Variants in YIPF7 observed in about 807,000 individuals in gnomAD.
YIPF7 encodes Yip1 domain family member 7.
A neutral mutation model predicts 27.2 loss-of-function variants in YIPF7; 35 were observed. The observed-to-expected ratio is 1.29, with a 90% CI of 0.98 to 1.70. The LOEUF (loss-of-function observed/expected upper bound fraction) is 1.70, where lower values mean the gene tolerates loss of function less well. Among genes scored for constraint, YIPF7 ranks in the 40% most tolerant of loss-of-function variants. The pLI is 0.00. For missense variants in YIPF7, 358 were observed against 303.7 expected (o/e 1.18, Z -1.33); for synonymous variants, 137 against 110.4 (o/e 1.24, Z -1.51).
chr4:44,645,281 C>A (rs1296510452), intron 2 of YIPF7, among the ~76,000 whole-genome samples: 1 of 152,008 alleles, frequency 6.6e-6, no homozygotes, highest in South Asian at 2.1e-4. Context: ...TGGTATTTTC[C>A]TTTTTTTACT....
chr4:44,635,802 A>T, intron 3 of YIPF7, 120 bp downstream of exon 3: 1 of 1,178,622 alleles, frequency 8.5e-7, no homozygotes, highest in East Asian at 2.5e-5. Flanking sequence ...AACTCTTGTT[A>T]TATGTGAAAC....
chr4:44,634,141 GT>G (rs2109584351), intron 3 of YIPF7, among the ~76,000 whole-genome samples: 1 of 152,324 alleles, frequency 6.6e-6, no homozygotes, highest in East Asian at 1.9e-4. Flanking sequence ...TTTAAGGCGT[GT>G]TTAAATTACG....
chr4:44,650,507 G>GCACACA (rs3040316), intron 1 of YIPF7, among the ~76,000 whole-genome samples: 2,918 of 137,152 alleles, frequency 0.021, 99 homozygotes, highest in African/African-American at 0.07. Flanking sequence ...GCGCGCGCGC[G>GCACACA]CACACACACA....
intron 2 of YIPF7, among the ~76,000 whole-genome samples, chr4:44,638,700 A>T (rs920483641): frequency 6.6e-6 from 1 of 152,150 alleles, no homozygotes; most frequent in African/African-American, 2.4e-5. Context: ...TTTTAATTAA[A>T]TCCCATTTGT....
intron 2 of YIPF7, among the ~76,000 whole-genome samples, chr4:44,638,471 CT>C (rs2109588683): frequency 6.6e-6 from 1 of 152,030 alleles, no homozygotes; most frequent in African/African-American, 2.4e-5. Flanking sequence ...CTCAGCATCA[CT>C]AATGATCAGG....
chr4:44,658,691 A>G (rs1029073321), intron 2 of YIPF7, among the ~76,000 whole-genome samples: 1 of 152,244 alleles, frequency 6.6e-6, no homozygotes, highest in Non-Finnish European at 1.5e-5. Flanking sequence ...TGATAAAGGC[A>G]TACCCGAGAC....
intron 1 of YIPF7, among the ~76,000 whole-genome samples, chr4:44,650,817 C>T (rs1047010626): frequency 2.0e-5 from 3 of 151,964 alleles, no homozygotes; most frequent in East Asian, 1.9e-4. Flanking sequence ...TTGAATTAGA[C>T]CTAATGGCCA....
intron 3 of YIPF7, 72 bp downstream of exon 3, chr4:44,635,850 C>T (rs1365515746): frequency 5.9e-6 from 9 of 1,518,150 alleles, no homozygotes; most frequent in South Asian, 3.7e-5. Context: ...AGGCTGACAG[C>T]ACACATTAAG....
intron 4 of YIPF7, among the ~76,000 whole-genome samples, chr4:44,627,079 G>A (rs759006129): frequency 1.2e-4 from 19 of 152,082 alleles, no homozygotes; most frequent in Non-Finnish European, 2.4e-4. Context: ...ACCGCACCAG[G>A]CCCCACATCT....
In YIPF7 at chr4:44,646,837, A is replaced by G. The variant is rs137937711; in HGVS notation, c.116+3148T>C. 1.9e-3 allele frequency among the ~76,000 whole-genome samples: 295 copies of G among 152,296 alleles called. 2 individuals are homozygous for G. Among genetic ancestry groups the G allele is most frequent in the African/African-American group, 6.8e-3 (283 of 41,558 alleles). Reference sequence around the variant, plus strand: ...GAGTGAAAGAGGCAAAGACAGAGACAGAGGAAACAGAAGCTGAATGACTGA... The same window carrying G: ...GAGTGAAAGAGGCAAAGACAGAGACGGAGGAAACAGAAGCTGAATGACTGA... On this transcript the variant is annotated intron_variant, in intron 2 of 5. Coordinates refer to ENST00000415895, the MANE Select transcript of YIPF7 (RefSeq NM_182592.3).
chr4:44,650,319 G>A (rs1713684549), intron 1 of YIPF7, among the ~76,000 whole-genome samples: 1 of 152,136 alleles, frequency 6.6e-6, no homozygotes, highest in Non-Finnish European at 1.5e-5. Flanking sequence ...TTTTTCTGAA[G>A]TTTTCGCACC....
upstream of YIPF7, among the ~76,000 whole-genome samples, chr4:44,654,734 G>T (rs562705211): frequency 8.6e-5 from 13 of 152,014 alleles, no homozygotes; most frequent in African/African-American, 2.9e-4. Context: ...ACTCAAATCA[G>T]AAATCATCTA....
chr4:44,634,262 G>A (rs1402923830), intron 3 of YIPF7, among the ~76,000 whole-genome samples: 1 of 152,218 alleles, frequency 6.6e-6, no homozygotes, highest in African/African-American at 2.4e-5. Context: ...GCTGGGCACA[G>A]TGGCTCATGC....
In YIPF7 at chr4:44,624,694, G is replaced by A. The variant is rs1264912209; in HGVS notation, c.515C>T (p.Ser172Leu). The A allele has an allele frequency of 6.2e-7, 1 of 1,610,108 alleles. No homozygotes were observed. Among genetic ancestry groups the A allele is most frequent in the Non-Finnish European group, 8.5e-7 (1 of 1,178,302 alleles). The change falls in exon 5 of 6, where the codon TCA (serine) becomes TTA (leucine). Residue 172 changes from serine (S) to leucine (L), a missense_variant. By Grantham distance (145) the Ser-to-Leu change is moderately radical. Transcript: ENST00000415895. The stretch of plus-strand genomic sequence containing the variant: ...GGCCACACAGCCGTACGACACCCCT[G>A]AAGAGCTCATCAGGTTCAGCAAGGC... ...IHALLNLMSS[S>L]GVSYGCVASV...
intron 3 of YIPF7, among the ~76,000 whole-genome samples, chr4:44,634,302 G>T (rs1713029293): frequency 6.6e-6 from 1 of 152,192 alleles, no homozygotes; most frequent in Non-Finnish European, 1.5e-5. Context: ...GGAGGCTGAA[G>T]CGGGTGGATC....
chr4:44,633,484 C>A (rs1022868902), intron 3 of YIPF7, among the ~76,000 whole-genome samples: 5 of 151,760 alleles, frequency 3.3e-5, no homozygotes, highest in Non-Finnish European at 1.5e-5. Flanking sequence ...TAAGCTTAAA[C>A]AACTATTGAA....
chr4:44,646,927 G>T (rs1442641908), intron 2 of YIPF7, among the ~76,000 whole-genome samples: 1 of 151,920 alleles, frequency 6.6e-6, no homozygotes, highest in Non-Finnish European at 1.5e-5. Flanking sequence ...TCTGATATGG[G>T]GTATATTTTA....
At chr4:44,624,192 G>A (rs1022641638) in intron 5 of YIPF7, among the ~76,000 whole-genome samples, 1 of 151,668 alleles carries the variant, frequency 6.6e-6, no homozygotes, top group African/African-American at 2.4e-5. Context: ...AGCCTCCCGA[G>A]TAGATGGGAT....
At chr4:44,624,935 A>G (rs1712578814) in intron 4 of YIPF7, among the ~76,000 whole-genome samples, 153 bp from the exon 5 acceptor site, 1 of 152,148 alleles carries the variant, frequency 6.6e-6, no homozygotes, top group Admixed American at 6.6e-5. Context: ...TCTGGGAAAA[A>G]CATGGCCAAT....
Sources: gnomAD v4.1 joint callset for allele counts (sites outside exome capture counted in the v4.1 genomes callset) on GRCh38, gnomAD v4.1.1 for gene constraint, MANE v1.5 for transcripts, NCBI Gene and HGNC (gene_info 2026-07-23, HGNC 2026-07-21) for gene names.